Variants in SHQ1 observed in about 807,000 individuals in gnomAD.
The protein encoded by SHQ1 is SHQ1, H/ACA ribonucleoprotein assembly factor.
SHQ1 carries 49 observed loss-of-function variants against 53.8 expected under a neutral mutation model. The ratio of observed to expected loss-of-function variants is 0.91; its 90% CI spans 0.72 to 1.16. The LOEUF is 1.16. Ranked by LOEUF, SHQ1 falls within the 50% of genes most tolerant of loss-of-function variation. The pLI is 0.00. For synonymous variants in SHQ1, 243 were observed against 251.0 expected, an observed-to-expected ratio of 0.97 and a Z score of 0.30; for missense variants, 738 against 683.1, an observed-to-expected ratio of 1.08 and a Z score of -0.90.
chr3:72,732,925 G>A, the SHQ1 span, among the ~76,000 whole-genome samples: 92 of 151,770 alleles, frequency 6.1e-4, 1 homozygote, highest in Admixed American at 1.1e-3. Context: ...ATGGGTGCTG[G>A]GTTTGTCGGG....
At chr3:72,750,939 A>T in intron 10 of SHQ1, 103 bp from the exon 11 acceptor site, 2 of 882,012 alleles carry the variant, frequency 2.3e-6, no homozygotes, top group South Asian at 3.8e-5. Context: ...CCATATTTTA[A>T]ATGGCACACC....
intron 4 of SHQ1, among the ~76,000 whole-genome samples, chr3:72,836,151 C>T (rs552121909): frequency 1.3e-5 from 2 of 152,336 alleles, no homozygotes; most frequent in Admixed American, 6.5e-5. Flanking sequence ...ACACAGCACA[C>T]AGACCAGGTC....
At chr3:72,753,599 G>A in intron 10 of SHQ1, 2 of 985,338 alleles carry the variant, frequency 2.0e-6, no homozygotes, top group Non-Finnish European at 2.4e-6. Context: ...CATCGTTGAT[G>A]GGTAGCTTTC....
Position 72,784,011 on chromosome 3 carries a change from G to A in SHQ1, c.1181+8905C>T, listed in dbSNP as rs1706148773. On this transcript the variant is annotated intron_variant, in intron 10 of 10. Coordinates refer to ENST00000325599, the MANE Select transcript of SHQ1 (RefSeq NM_018130.3). The stretch of plus-strand genomic sequence containing the variant: ...TAACATCAATATTCGTTCATTAATT[G>A]TGACAAATATATCATTCCAATATAA... 6.6e-5 allele frequency among the ~76,000 whole-genome samples: 10 copies of A among 152,026 alleles called. No homozygotes were observed. The South Asian group carries it at 2.1e-3, about 32-fold the overall frequency.
chr3:72,823,329 T>C (rs1312644963), intron 6 of SHQ1, among the ~76,000 whole-genome samples: 1 of 152,142 alleles, frequency 6.6e-6, no homozygotes, highest in Non-Finnish European at 1.5e-5. Flanking sequence ...CTGAGTACCT[T>C]TATATAACAG....
chr3:72,812,898 G>A (rs1049079826), intron 8 of SHQ1, 104 bp from the exon 9 acceptor site: 26 of 1,315,028 alleles, frequency 2.0e-5, no homozygotes, highest in Admixed American at 8.1e-5. Context: ...CTGCAAGTTC[G>A]GATCATTGTG....
intron 9 of SHQ1, among the ~76,000 whole-genome samples, chr3:72,803,604 T>C (rs1390611183): frequency 6.6e-6 from 1 of 152,106 alleles, no homozygotes; most frequent in Non-Finnish European, 1.5e-5. Flanking sequence ...TCCATGTACA[T>C]ACCTAAGGCA....
rs1168652648 is a variant in SHQ1, at chr3:72,812,658, A to G, written c.1060+13T>C. 1.2e-6 allele frequency: 2 copies of G among 1,611,634 alleles called. No homozygotes were observed. The highest frequency in any genetic ancestry group is 3.4e-5 in the Admixed American group (2 of 59,514). ...TTTTCCCTCCCAAATTTGCAAGTAC[A>G]GTAATATCTTACCCAGTTGCAATAT... On this transcript the variant is annotated intron_variant, in intron 9 of 10. Transcript: ENST00000325599.
the SHQ1 span, among the ~76,000 whole-genome samples, chr3:72,739,080 C>G: frequency 6.6e-6 from 1 of 152,228 alleles, no homozygotes; most frequent in Admixed American, 6.5e-5. Flanking sequence ...GATCCGGGAG[C>G]GTGGGAGCAG....
chr3:72,786,941 T>C (rs535263221), intron 10 of SHQ1, among the ~76,000 whole-genome samples: 2 of 152,368 alleles, frequency 1.3e-5, no homozygotes, highest in African/African-American at 2.4e-5. Context: ...ATGTATGTTA[T>C]CTACCCTGTT....
chr3:72,751,497 TGTGTGTGTGTG>T lies in SHQ1; in HGVS notation c.1182-672_1182-662del, dbSNP rs1559657362. ...ACATATGTGTGTGTGTGTGTGTGTG[TGTGTGTGTGTG>T]TATATATATATATATATATATACAT... On this transcript the variant is annotated intron_variant, in intron 10 of 10. Transcript: ENST00000325599. 9.2e-4 allele frequency among the ~76,000 whole-genome samples: 103 copies of T among 111,398 alleles called. 6 individuals carry two copies. The highest frequency in any genetic ancestry group is 1.8e-4 in the Non-Finnish European group (10 of 55,764). The allele number at this position is 111,398 out of a possible 152,430, so 73.1% of individuals were successfully genotyped here.
chr3:72,784,748 C>T (rs1325403860), intron 10 of SHQ1, among the ~76,000 whole-genome samples: 1 of 152,184 alleles, frequency 6.6e-6, no homozygotes, highest in Non-Finnish European at 1.5e-5. Flanking sequence ...TGTAAAACCA[C>T]CTAGAGTGTC....
intron 7 of SHQ1, among the ~76,000 whole-genome samples, 197 bp downstream of exon 7, chr3:72,817,033 G>A (rs1707339895): frequency 6.6e-6 from 1 of 152,140 alleles, no homozygotes; most frequent in Non-Finnish European, 1.5e-5. Flanking sequence ...CAAGAGAAAA[G>A]TGAAAAAGAC....
intron 6 of SHQ1, among the ~76,000 whole-genome samples, chr3:72,822,952 A>T (rs1707524090): frequency 6.6e-6 from 1 of 152,144 alleles, no homozygotes; most frequent in East Asian, 1.9e-4. Context: ...GATCGAGACC[A>T]TCCTGGCTAA....
intron 9 of SHQ1, among the ~76,000 whole-genome samples, chr3:72,810,811 C>T (rs533781985): frequency 6.6e-6 from 1 of 152,250 alleles, no homozygotes; most frequent in South Asian, 2.1e-4. Flanking sequence ...TTCTAGACAA[C>T]CCAGCCCTCA....
At chr3:72,753,498 T>C (rs1241683797) in intron 10 of SHQ1, 1 of 985,270 alleles carries the variant, frequency 1.0e-6, no homozygotes, top group African/African-American at 1.7e-5. Flanking sequence ...CTGCTGCCTC[T>C]TCACATGTGT....
intron 10 of SHQ1, among the ~76,000 whole-genome samples, chr3:72,791,605 A>G (rs1706439921): frequency 1.3e-5 from 2 of 152,264 alleles, no homozygotes; most frequent in African/African-American, 4.8e-5. Context: ...TCATGGCGGT[A>G]GCAAAAATAT....
chr3:72,836,111 G>C (rs912089928), intron 4 of SHQ1, among the ~76,000 whole-genome samples: 3 of 152,146 alleles, frequency 2.0e-5, no homozygotes. Flanking sequence ...AAACTGTTCT[G>C]GGTGCCAAAG....
chr3:72,837,126 A>G (rs1708026989), intron 4 of SHQ1, among the ~76,000 whole-genome samples: 1 of 152,122 alleles, frequency 6.6e-6, no homozygotes, highest in Non-Finnish European at 1.5e-5. Context: ...CACTGCCAGA[A>G]GCTTGTTGTG....
Sources: gnomAD v4.1 joint callset for allele counts (sites outside exome capture counted in the v4.1 genomes callset) on GRCh38, gnomAD v4.1.1 for gene constraint, MANE v1.5 for transcripts, NCBI Gene and HGNC (gene_info 2026-07-23, HGNC 2026-07-21) for gene names.